The following XIRP2 variants were observed in gnomAD, a reference collection of about 807,000 sequenced individuals.
XIRP2 encodes the protein xin actin-binding repeat-containing protein 2.
A neutral mutation model predicts 277.0 loss-of-function variants in XIRP2; 236 were observed. That is an observed-to-expected ratio of 0.85 (90% CI 0.77 to 0.95). The LOEUF is 0.95. Ranked by LOEUF, XIRP2 falls within the 40% of genes least tolerant of loss-of-function variation. The pLI is 0.00. For synonymous variants in XIRP2, 1,490 were observed against 1,416.5 expected, an observed-to-expected ratio of 1.05 and a Z score of -1.17; for missense variants, 4,640 against 4,157.5, an observed-to-expected ratio of 1.12 and a Z score of -3.19.
chr2:167,208,150 G>A (rs1693913676), intron 3 of XIRP2, among the ~76,000 whole-genome samples: 1 of 152,248 alleles, frequency 6.6e-6, no homozygotes, highest in East Asian at 1.9e-4. Flanking sequence ...ACAAAAACTT[G>A]CAACAAAATG....
intron 3 of XIRP2, among the ~76,000 whole-genome samples, chr2:167,153,381 T>C (rs1162325973): frequency 6.6e-6 from 1 of 151,372 alleles, no homozygotes; most frequent in Non-Finnish European, 1.5e-5. Context: ...TTTTTAAGTT[T>C]CTGAACTCAA....
In XIRP2 at chr2:167,247,372, G is replaced by A. The variant is rs1358565954; in HGVS notation, c.5980G>A (p.Ala1994Thr). ...FEPAAKWQGG[A>T]DTLSQTMGKS... The stretch of plus-strand genomic sequence containing the variant: ...GCCAGCGGCCAAGTGGCAAGGGGGA[G>A]CAGATACTCTCAGTCAAACTATGGG... The change falls in exon 9 of 11, where the codon GCA becomes ACA. Residue 1994 changes from alanine to threonine, a missense_variant. By Grantham distance (58) the Ala-to-Thr change is moderately conservative (BLOSUM62 0). Transcript: ENST00000409195. 3.1e-6 allele frequency: 5 copies of A among 1,613,768 alleles called. No individual in the cohort carries two copies. Among genetic ancestry groups the A allele is most frequent in the African/African-American group, 2.7e-5 (2 of 74,994 alleles).
intron 3 of XIRP2, among the ~76,000 whole-genome samples, chr2:167,182,778 A>C (rs1693053014): frequency 6.6e-6 from 1 of 152,212 alleles, no homozygotes; most frequent in African/African-American, 2.4e-5. Context: ...TTGCTGGCAC[A>C]ATTTCTTTAT....
At chr2:167,014,566 G>C (rs1041032462) in intron 2 of XIRP2, among the ~76,000 whole-genome samples, 2 of 151,566 alleles carry the variant, frequency 1.3e-5, no homozygotes, top group Non-Finnish European at 3.0e-5. Context: ...CAAAGAAGTG[G>C]AGAATATAAA....
intron 2 of XIRP2, among the ~76,000 whole-genome samples, chr2:167,043,631 G>A (rs1054363289): frequency 2.0e-5 from 3 of 151,994 alleles, no homozygotes; most frequent in Non-Finnish European, 2.9e-5. Context: ...AACCTCCCAA[G>A]ATTGAACTAG....
At chr2:167,033,987 A>G (rs767537892) in intron 2 of XIRP2, among the ~76,000 whole-genome samples, 4 of 152,182 alleles carry the variant, frequency 2.6e-5, no homozygotes, top group Non-Finnish European at 5.9e-5. Flanking sequence ...GAATATTATA[A>G]CAGTGTAATT....
chr2:167,235,563 T>C (rs191892515), intron 5 of XIRP2, among the ~76,000 whole-genome samples: 2 of 152,000 alleles, frequency 1.3e-5, no homozygotes, highest in Non-Finnish European at 2.9e-5. Flanking sequence ...AGAGTTCTGT[T>C]AAAGGAGAGA....
intron 2 of XIRP2, among the ~76,000 whole-genome samples, chr2:167,099,543 G>A (rs891991737): frequency 4.2e-5 from 6 of 142,594 alleles, no homozygotes; most frequent in African/African-American, 1.8e-4. Flanking sequence ...GGCATTCCAG[G>A]CACCACTGGG....
rs541193308 is a variant in XIRP2 at position 167,030,199 on chromosome 2, A to T, written c.409-105710A>T. Among the ~76,000 whole-genome samples the T allele has an allele frequency of 2.0e-5, 3 of 151,960 alleles. 1 individual carries two copies. Among genetic ancestry groups the T allele is most frequent in the African/African-American group, 7.2e-5 (3 of 41,472 alleles). On this transcript the variant is annotated intron_variant, in intron 2 of 10. Coordinates refer to ENST00000409195, the MANE Select transcript of XIRP2 (RefSeq NM_152381.6). The stretch of plus-strand genomic sequence containing the variant: ...CATTGATTTTTTTGAAGGATTTTTC[A>T]TGTCTCTATCTCATTCAGTTCTGCT...
intron 5 of XIRP2, among the ~76,000 whole-genome samples, chr2:167,219,497 T>G (rs193007370): frequency 3.7e-4 from 57 of 152,336 alleles, no homozygotes; most frequent in Non-Finnish European, 6.0e-4. Flanking sequence ...GTGGGGACTA[T>G]GGACTATGGG....
intron 3 of XIRP2, among the ~76,000 whole-genome samples, chr2:167,181,433 C>T (rs1243482768): frequency 6.6e-6 from 1 of 152,110 alleles, no homozygotes. Context: ...CATATCTTCT[C>T]CAACTCCTCT....
intron 2 of XIRP2, among the ~76,000 whole-genome samples, chr2:167,074,619 T>C (rs1368212579): frequency 1.4e-5 from 2 of 143,710 alleles, no homozygotes; most frequent in Non-Finnish European, 3.0e-5. Context: ...TGTGTGTGTG[T>C]GTGCATGTGT....
At chr2:167,068,576 C>A (rs1689361554) in intron 2 of XIRP2, among the ~76,000 whole-genome samples, 1 of 152,016 alleles carries the variant, frequency 6.6e-6, no homozygotes, top group African/African-American at 2.4e-5. Context: ...GCTTTGTAGG[C>A]CACATAGTCC....
intron 5 of XIRP2, among the ~76,000 whole-genome samples, chr2:167,227,086 TTTGCTATCCCAGGG>T (rs1243605636): frequency 6.6e-6 from 1 of 152,086 alleles, no homozygotes; most frequent in Non-Finnish European, 1.5e-5. Flanking sequence ...TAAGGCAGGA[TTTGCTATCCCAGGG>T]TTGACCTCTC....
chr2:167,150,494 A>T (rs1436485789), intron 3 of XIRP2, among the ~76,000 whole-genome samples: 1 of 152,098 alleles, frequency 6.6e-6, no homozygotes, highest in East Asian at 1.9e-4. Flanking sequence ...AAATGGATAC[A>T]GTTTAAATGC....
At chr2:167,112,630 T>C (rs1690791660) in intron 2 of XIRP2, among the ~76,000 whole-genome samples, 1 of 149,324 alleles carries the variant, frequency 6.7e-6, no homozygotes, top group Non-Finnish European at 1.5e-5. Context: ...TATATTTTTA[T>C]GTATATATAT....
intron 2 of XIRP2, among the ~76,000 whole-genome samples, chr2:166,940,009 G>A (rs1431251582): frequency 6.6e-6 from 1 of 152,144 alleles, no homozygotes; most frequent in African/African-American, 2.4e-5. Context: ...TCTAGATTGG[G>A]GAAGTTCTCC....
chr2:166,910,593 T>G (rs1285033035), intron 2 of XIRP2, among the ~76,000 whole-genome samples: 1 of 152,160 alleles, frequency 6.6e-6, no homozygotes, highest in African/African-American at 2.4e-5. Context: ...TTTGAAGGGT[T>G]TTTTGTGTCT....
At chr2:167,083,768 T>A (rs9711894) in intron 2 of XIRP2, among the ~76,000 whole-genome samples, 105,612 of 151,968 alleles carry the variant, frequency 0.69, 39,430 homozygotes, top group Non-Finnish European at 0.83. Context: ...TAAGAATGCT[T>A]GTGATTTTTG....
Sources: allele counts gnomAD v4.1 joint callset (sites outside exome capture counted in the v4.1 genomes callset), GRCh38; gene constraint gnomAD v4.1.1; transcripts MANE v1.5; gene names NCBI Gene and HGNC (gene_info 2026-07-23, HGNC 2026-07-21).